Variants in GRIN2A observed in about 807,000 individuals in gnomAD.
GRIN2A encodes the protein glutamate ionotropic receptor NMDA type subunit 2A.
Under a neutral mutation model 113.4 loss-of-function variants are expected in GRIN2A, and 22 were observed. The observed-to-expected ratio is 0.19, with a 90% CI of 0.14 to 0.28. GRIN2A has a LOEUF of 0.28. GRIN2A is among the 10% of genes least tolerant of loss of function. The probability of loss-of-function intolerance (pLI) is 1.00; values close to 1 mark genes in which losing one functional copy is unlikely to be tolerated. For missense variants in GRIN2A, 1,502 were observed against 1,887.0 expected, an observed-to-expected ratio of 0.80 and a Z score of 3.78; for synonymous variants, 827 against 738.4, an observed-to-expected ratio of 1.12 and a Z score of -1.94.
chr16:9,845,017 T>A (rs2042747037), intron 5 of GRIN2A, among the ~76,000 whole-genome samples: 1 of 152,176 alleles, frequency 6.6e-6, no homozygotes. Flanking sequence ...TGATCAGCCT[T>A]CCTCAAAGAC....
chr16:9,998,272 G>A (rs980618560), intron 2 of GRIN2A, among the ~76,000 whole-genome samples: 2 of 152,078 alleles, frequency 1.3e-5, no homozygotes, highest in South Asian at 2.1e-4. Flanking sequence ...CCTCGAAAAC[G>A]TCATGATAAA....
intron 3 of GRIN2A, among the ~76,000 whole-genome samples, chr16:9,896,550 A>G (rs913989005): frequency 1.3e-5 from 2 of 152,216 alleles, no homozygotes; most frequent in Non-Finnish European, 1.5e-5. Context: ...TATGAAAATA[A>G]CTATGCAGAA....
intron 11 of GRIN2A, among the ~76,000 whole-genome samples, chr16:9,779,881 ATCAATTCTAAC>A (rs1464556453): frequency 1.3e-5 from 2 of 152,210 alleles, no homozygotes; most frequent in African/African-American, 4.8e-5. Flanking sequence ...GAAGCTAGAT[ATCAATTCTAAC>A]TCAGGAAAGT....
Position 9,769,005 on chromosome 16 carries a change from A to G in GRIN2A, c.2441T>C (p.Ile814Thr), listed in dbSNP as rs780654733. ...KNEVMSSQLD[I>T]DNMAGVFYML... ...GTAGAATACGCCCGCCATGTTGTCA[A>G]TGTCCAGCTGGCTGCTCATCACCTC... Residue 814 changes from isoleucine to threonine, a missense_variant, in exon 12 of 13, where the codon ATT becomes ACT. Transcript: ENST00000330684. The G allele has an allele frequency of 8.1e-6, 13 of 1,614,094 alleles. No homozygotes were observed. Among genetic ancestry groups the G allele is most frequent in the South Asian group, 1.1e-5 (1 of 91,092 alleles).
intron 2 of GRIN2A, among the ~76,000 whole-genome samples, chr16:9,977,762 C>G (rs1392682422): frequency 6.6e-6 from 1 of 152,212 alleles, no homozygotes; most frequent in African/African-American, 2.4e-5. Flanking sequence ...CACACATACA[C>G]ACACACTTCA....
intron 4 of GRIN2A, among the ~76,000 whole-genome samples, chr16:9,884,369 T>A (rs2043547729): frequency 6.6e-6 from 1 of 152,010 alleles, no homozygotes. Context: ...GCCAACATGG[T>A]GAAACTTCAT....
intron 2 of GRIN2A, among the ~76,000 whole-genome samples, chr16:10,033,104 A>AAT (rs2046959866): frequency 6.6e-6 from 1 of 152,080 alleles, no homozygotes; most frequent in African/African-American, 2.4e-5. Flanking sequence ...AATTTCTGTG[A>AAT]CTTTCCCAGA....
chr16:9,953,884 T>A (rs1017706100), intron 2 of GRIN2A, among the ~76,000 whole-genome samples: 2 of 151,592 alleles, frequency 1.3e-5, no homozygotes, highest in Non-Finnish European at 2.9e-5. Context: ...TCCAGAGGAG[T>A]GAAGGAGGCA....
chr16:10,134,989 T>G (rs1567324066), intron 2 of GRIN2A, among the ~76,000 whole-genome samples: 1 of 152,234 alleles, frequency 6.6e-6, no homozygotes, highest in South Asian at 2.1e-4. Context: ...TTCCTGATAG[T>G]AAATCTCCTA....
intron 10 of GRIN2A, among the ~76,000 whole-genome samples, chr16:9,818,300 T>G (rs79179643): frequency 6.7e-6 from 1 of 149,138 alleles, no homozygotes; most frequent in Non-Finnish European, 1.5e-5. Flanking sequence ...ATCTGAGGAG[T>G]TGAAGTCATG....
At chr16:9,770,306 G>C (rs923415331) in intron 11 of GRIN2A, among the ~76,000 whole-genome samples, 20 of 152,112 alleles carry the variant, frequency 1.3e-4, no homozygotes, top group Non-Finnish European at 4.4e-5. Context: ...GACATGCAGA[G>C]AAAAATTAAC....
Position 10,171,267 on chromosome 16 carries a change from C to T in GRIN2A, c.414+8731G>A, listed in dbSNP as rs184143565. ...GCAACTCCCAGATCCTTTATTTCCT[C>T]ATCTGAAAATAGAGATTCTTTAAAC... On this transcript the variant is annotated intron_variant, in intron 2 of 12. Transcript: ENST00000330684. Among the ~76,000 whole-genome samples the T allele has an allele frequency of 1.9e-3, 292 of 152,340 alleles. 2 individuals carry two copies. The highest frequency in any genetic ancestry group is 6.8e-3 in the African/African-American group (283 of 41,578).
intron 2 of GRIN2A, among the ~76,000 whole-genome samples, chr16:9,995,883 T>C (rs932641289): frequency 6.6e-6 from 1 of 150,872 alleles, no homozygotes; most frequent in Admixed American, 6.6e-5. Flanking sequence ...TCTAAGATAA[T>C]AACAGAGGGA....
intron 2 of GRIN2A, among the ~76,000 whole-genome samples, chr16:10,139,932 A>T (rs1261372684): frequency 2.0e-5 from 3 of 152,080 alleles, no homozygotes; most frequent in Non-Finnish European, 4.4e-5. Context: ...GGTTAAAGTG[A>T]TCCTCATGCC....
At chr16:9,799,303 T>G (rs990283356) in intron 10 of GRIN2A, among the ~76,000 whole-genome samples, 3 of 152,108 alleles carry the variant, frequency 2.0e-5, no homozygotes, top group African/African-American at 7.2e-5. Context: ...AACACAGACA[T>G]GCACACAGGG....
At chr16:9,933,384 C>G (rs551036442) in intron 3 of GRIN2A, among the ~76,000 whole-genome samples, 1 of 152,088 alleles carries the variant, frequency 6.6e-6, no homozygotes, top group African/African-American at 2.4e-5. Flanking sequence ...TGAGGACCAC[C>G]AAGTGGCATG....
At chr16:10,066,003 T>C (rs969521761) in intron 2 of GRIN2A, among the ~76,000 whole-genome samples, 1 of 152,216 alleles carries the variant, frequency 6.6e-6, no homozygotes, top group East Asian at 1.9e-4. Flanking sequence ...GAAATGGATT[T>C]AGACATCATG....
chr16:9,985,206 C>G (rs1273602421), intron 2 of GRIN2A, among the ~76,000 whole-genome samples: 1 of 152,140 alleles, frequency 6.6e-6, no homozygotes, highest in Non-Finnish European at 1.5e-5. Flanking sequence ...AAGAACAAAC[C>G]TAATGATGTT....
intron 10 of GRIN2A, among the ~76,000 whole-genome samples, chr16:9,808,110 C>T (rs1236736934): frequency 3.3e-5 from 5 of 152,166 alleles, no homozygotes; most frequent in Admixed American, 6.5e-5. Flanking sequence ...CGAAGCATAG[C>T]GTTTTTATAA....
Sources: allele counts gnomAD v4.1 joint callset (sites outside exome capture counted in the v4.1 genomes callset), GRCh38; gene constraint gnomAD v4.1.1; transcripts MANE v1.5; gene names NCBI Gene and HGNC (gene_info 2026-07-23, HGNC 2026-07-21).